The following MARS1 variants were observed in gnomAD, a reference collection of about 807,000 sequenced individuals.
The protein encoded by MARS1 is methionine--tRNA ligase, cytoplasmic.
In MARS1, 80 loss-of-function variants were observed where a neutral mutation model predicts 119.5. The observed-to-expected ratio is 0.67, with a 90% confidence interval of 0.56 to 0.81. MARS1 has a LOEUF of 0.81. MARS1 is among the 30% of genes least tolerant of loss of function. The probability of loss-of-function intolerance (pLI) is 0.00; values close to 1 mark genes in which losing one functional copy is unlikely to be tolerated. For missense variants in MARS1, 945 were observed against 1,116.5 expected (o/e 0.85, Z 2.19); for synonymous variants, 418 against 433.4 (o/e 0.96, Z 0.44).
chr12:57,498,226 CCTTGGG>C lies in MARS1; in HGVS notation c.841_846del (p.Leu281_Gly282del). The C allele has an allele frequency of 6.2e-7, 1 of 1,614,218 alleles. No individual in the cohort carries two copies. Among genetic ancestry groups the C allele is most frequent in the South Asian group, 1.1e-5 (1 of 91,088 alleles). On this transcript the variant is annotated inframe_deletion, in exon 8 of 21. Coordinates refer to ENST00000262027, the MANE Select transcript of MARS1 (RefSeq NM_004990.4). ...TCCCTTACGTCAACAATGTCCCCCA[CCTTGGG>C]AACATCATTGGTTGTGTGCTCAGTG...
rs925867315 is a variant in MARS1 at position 57,494,660 on chromosome 12, C to T, written c.771-3497C>T. On this transcript the variant is annotated intron_variant, in intron 7 of 20. Transcript: ENST00000262027. ...CTAGGCAGAGGACCCTGCAGCCTTC[C>T]GCAGTGTTTGTGTCCCTGGGTACTT... is the stretch of plus-strand genomic sequence containing the variant. Among the ~76,000 whole-genome samples the T allele has an allele frequency of 5.9e-5, 9 of 151,918 alleles. No individual in the cohort carries two copies. The South Asian group carries it at 1.0e-3, about 18-fold the overall frequency.
At chr12:57,505,230 C>T (rs181665179) in intron 11 of MARS1, among the ~76,000 whole-genome samples, 8 of 150,456 alleles carry the variant, frequency 5.3e-5, no homozygotes, top group Admixed American at 6.6e-5. Context: ...GGCACGGTCT[C>T]GGCTCACTGC....
intron 11 of MARS1, among the ~76,000 whole-genome samples, chr12:57,504,513 C>T (rs1565646771): frequency 6.6e-6 from 1 of 151,992 alleles, no homozygotes; most frequent in African/African-American, 2.4e-5. Context: ...TCCTTTGTGT[C>T]TATTCAGAAA....
chr12:57,502,348 G>C (rs1038537800), intron 10 of MARS1, among the ~76,000 whole-genome samples: 3 of 152,022 alleles, frequency 2.0e-5, no homozygotes, highest in Non-Finnish European at 2.9e-5. Context: ...TGGATATTAG[G>C]CATATGGAGT....
chr12:57,515,295 A>G lies in MARS1; in HGVS notation c.2350A>G (p.Asn784Asp), dbSNP rs1384298055. 2 of 1,613,714 alleles carry G rather than the reference A, an allele frequency of 1.2e-6. No individual in the cohort carries two copies. The highest frequency in any genetic ancestry group is 1.3e-5 in the African/African-American group (1 of 75,036). Reference protein sequence around the residue: ...PPPACSILLTNFLCTLPAGHQ... With the variant: ...PPPACSILLTDFLCTLPAGHQ... ...TCCAGCCTGCAGTATCCTGCTGACA[A>G]ACTTCCTGTGTACCTTACCAGCAGG... Residue 784 changes from asparagine to aspartate, a missense_variant, in exon 18 of 21, where the codon AAC becomes GAC. Asn to Asp is a conservative substitution (Grantham distance 23). Transcript: ENST00000262027.
chr12:57,490,467 T>A (rs1875849497), intron 6 of MARS1, 71 bp from the exon 7 acceptor site: 7 of 1,609,594 alleles, frequency 4.3e-6, no homozygotes, highest in Non-Finnish European at 8.5e-7. Flanking sequence ...TTTCAGGTAG[T>A]GGCAAGGAGA....
At chr12:57,493,796 T>TG (rs1280558236) in intron 7 of MARS1, among the ~76,000 whole-genome samples, 2 of 1,296 alleles carry the variant, frequency 1.5e-3, no homozygotes, top group African/African-American at 3.8e-3. Flanking sequence ...ATATTATATA[T>TG]TATATTATAT....
At chr12:57,493,737 T>TATATTATA (rs1876320577) in intron 7 of MARS1, among the ~76,000 whole-genome samples, 1 of 4,414 alleles carries the variant, frequency 2.3e-4, no homozygotes, top group African/African-American at 1.1e-3. Context: ...TATTATATAA[T>TATATTATA]ATATATTATA....
Position 57,515,326 on chromosome 12 carries a change from A to G in MARS1, c.2381A>G (p.Gln794Arg), listed in dbSNP as rs1489534290. ...NFLCTLPAGH[Q>R]IGTVSPLFQK... ...CTGTGTACCTTACCAGCAGGACACC[A>G]GATTGGCACAGTAGGTGGAAGAGCC... Residue 794 changes from glutamine to arginine, a missense_variant, in exon 18 of 21, where the codon CAG (glutamine) becomes CGG (arginine). Physicochemically the swap from Gln to Arg is conservative, Grantham distance 43 (BLOSUM62 1). Coordinates refer to ENST00000262027, the MANE Select transcript of MARS1 (RefSeq NM_004990.4). The G allele has an allele frequency of 6.2e-7, 1 of 1,612,720 alleles. No homozygotes were observed. Among genetic ancestry groups the G allele is most frequent in the Non-Finnish European group, 8.5e-7 (1 of 1,180,016 alleles).
At chr12:57,492,533 C>T (rs937233798) in intron 7 of MARS1, among the ~76,000 whole-genome samples, 10 of 151,184 alleles carry the variant, frequency 6.6e-5, no homozygotes, top group Admixed American at 2.0e-4. Flanking sequence ...TAGCTGGGCA[C>T]GGTGGCTCGT....
intron 10 of MARS1, among the ~76,000 whole-genome samples, chr12:57,501,339 G>A (rs189790921): frequency 1.3e-5 from 2 of 152,350 alleles, no homozygotes; most frequent in African/African-American, 4.8e-5. Context: ...TTATTCTGGT[G>A]AATGACAAGC....
At chr12:57,489,615 G>C (rs1254592642) in intron 4 of MARS1, 57 bp downstream of exon 4, 3 of 1,607,382 alleles carry the variant, frequency 1.9e-6, no homozygotes, top group Non-Finnish European at 8.5e-7. Flanking sequence ...GGATTAAGAG[G>C]GAAGACTGTA....
At chr12:57,496,973 A>G (rs1485755917) in intron 7 of MARS1, among the ~76,000 whole-genome samples, 1 of 152,142 alleles carries the variant, frequency 6.6e-6, no homozygotes, top group East Asian at 1.9e-4. Context: ...CCCAGTCAGC[A>G]GTTACATAAT....
chr12:57,502,509 C>T (rs575256238), intron 10 of MARS1, among the ~76,000 whole-genome samples: 1 of 151,538 alleles, frequency 6.6e-6, no homozygotes, highest in South Asian at 2.1e-4. Context: ...GAGTTCAGAC[C>T]AGTCTGACCA....
At chr12:57,508,058 C>T (rs1000928325) in intron 11 of MARS1, among the ~76,000 whole-genome samples, 3 of 151,388 alleles carry the variant, frequency 2.0e-5, no homozygotes, top group East Asian at 2.0e-4. Flanking sequence ...ACATCTCAGA[C>T]GATGGGCAGC....
At chr12:57,513,062 G>A (rs1877602873) in intron 15 of MARS1, 98 bp downstream of exon 15, 3 of 962,028 alleles carry the variant, frequency 3.1e-6, no homozygotes, top group Non-Finnish European at 5.0e-6. Context: ...AAATGGGCAG[G>A]AGGCTGTGAG....
At chr12:57,508,445 G>T (rs1018149337) in intron 11 of MARS1, among the ~76,000 whole-genome samples, 1 of 152,238 alleles carries the variant, frequency 6.6e-6, no homozygotes, top group African/African-American at 2.4e-5. Context: ...GATCACTGGC[G>T]GTTAGGAGCT....
Position 57,514,074 on chromosome 12 carries a change from T to G in MARS1, c.1968-646T>G, listed in dbSNP as rs937091634. Among the ~76,000 whole-genome samples the G allele has an allele frequency of 3.6e-5, 5 of 138,984 alleles. No individual in the cohort carries two copies. In the South Asian group the frequency reaches 9.0e-4, roughly 25 times the overall value. The allele number at this position is 138,984 out of a possible 152,430, so 91.2% of individuals were successfully genotyped here. On this transcript the variant is annotated intron_variant, in intron 15 of 20. Coordinates refer to ENST00000262027, the MANE Select transcript of MARS1 (RefSeq NM_004990.4). ...TGAGAATCCTCAAAAAAAAAAAAAA[T>G]TAAAAAAAAAAAAAAGTACTTGCCT...
intron 1 of MARS1, 192 bp from the exon 2 acceptor site, chr12:57,488,827 C>A: frequency 1.3e-6 from 1 of 779,344 alleles, no homozygotes; most frequent in Non-Finnish European, 2.1e-6. Flanking sequence ...GCAGTTTCAG[C>A]TGAACACCTG....
Sources: gnomAD v4.1 joint callset for allele counts (sites outside exome capture counted in the v4.1 genomes callset) on GRCh38, gnomAD v4.1.1 for gene constraint, MANE v1.5 for transcripts, NCBI Gene and HGNC (gene_info 2026-07-23, HGNC 2026-07-21) for gene names.